The following BEX3 variants were observed in gnomAD, a reference collection of about 807,000 sequenced individuals.
The protein encoded by BEX3 is protein BEX3.
Under a neutral mutation model 6.1 loss-of-function variants are expected in BEX3, and 1 was observed. That is an observed-to-expected ratio of 0.16 (90% CI 0.06 to 0.78). BEX3 has a LOEUF of 0.78. Ranked by LOEUF, BEX3 falls within the 30% of genes least tolerant of loss-of-function variation. The probability of loss-of-function intolerance (pLI) is 0.75; values close to 1 mark genes in which losing one functional copy is unlikely to be tolerated. For missense variants in BEX3, 49 were observed against 84.7 expected (o/e 0.58, Z 1.65); for synonymous variants, 33 against 25.2 (o/e 1.31, Z -0.93).
rs1927290977 is a variant in BEX3, at chrX:103,377,995, CAG to C, written c.*169_*170del. The C allele has an allele frequency of 4.8e-6, 2 of 419,382 alleles. No homozygotes were observed. Among genetic ancestry groups the C allele is most frequent in the Non-Finnish European group, 8.2e-6 (2 of 242,825 alleles). 34.6% of individuals were successfully genotyped at this position (419,382 alleles called of 1,213,427 possible). The stretch of plus-strand genomic sequence containing the variant: ...TCTATTTGAAGATTGCCTTTGCACT[CAG>C]TGTAAGTTTCTGTCAGCAGTAGTTT... On this transcript the variant is annotated 3_prime_UTR_variant, in exon 3 of 3. Transcript: ENST00000361298.
upstream of BEX3, chrX:103,376,518 C>T (rs1927226307): frequency 1.3e-6 from 1 of 750,734 alleles, no homozygotes; most frequent in African/African-American, 2.3e-5. Flanking sequence ...CAGAGCGACG[C>T]AGCCTTCGGT....
rs1927277100 is a variant in BEX3 at position 103,377,635 on chromosome X, A to G, written c.114A>G (p.Arg38=). ...CTCGCCGACTTGCCCCTAATTTTCGATGGGCCATACCCAATAGGCAGATCA... is the reference window on the plus strand; with the variant it reads ...CTCGCCGACTTGCCCCTAATTTTCGGTGGGCCATACCCAATAGGCAGATCA... The part of the protein sequence containing the change: ...GQARRLAPNF[R]WAIPNRQIND... The change falls in exon 3 of 3, where the codon CGA becomes CGG. Residue 38 remains arginine (R), a synonymous_variant. Coordinates refer to ENST00000361298, the MANE Select transcript of BEX3 (RefSeq NM_206917.3). 3 of 1,211,599 alleles carry G rather than the reference A, an allele frequency of 2.5e-6. No homozygotes were observed. The highest frequency in any genetic ancestry group is 2.2e-5 in the Admixed American group (1 of 46,005).
rs1927295755 is a variant in BEX3 at position 103,378,158 on chromosome X, G to A, written c.*331G>A. 1 of 179,982 alleles carries A rather than the reference G, an allele frequency of 5.6e-6. No homozygotes were observed. The allele number at this position is 179,982 out of a possible 1,213,427, so 14.8% of individuals were successfully genotyped here. ...AAAATCTGAGATTAAATACACTAGAGTGTTAATTGGTGAACATTTCTGTGT... is the reference window on the plus strand; with the variant it reads ...AAAATCTGAGATTAAATACACTAGAATGTTAATTGGTGAACATTTCTGTGT... On this transcript the variant is annotated 3_prime_UTR_variant, in exon 3 of 3. Coordinates refer to ENST00000361298, the MANE Select transcript of BEX3 (RefSeq NM_206917.3).
chrX:103,377,779 G>A lies in BEX3; in HGVS notation c.258G>A (p.Glu86=). The change falls in exon 3 of 3, where the codon GAG becomes GAA. Residue 86 remains glutamate, a synonymous_variant. Coordinates refer to ENST00000361298, the MANE Select transcript of BEX3 (RefSeq NM_206917.3). Reference sequence around the variant, plus strand: ...ATTGTCTGCGTATCCTTATGGGGGAGCTCTCTAATCACCATGACCATCATG... The same window carrying A: ...ATTGTCTGCGTATCCTTATGGGGGAACTCTCTAATCACCATGACCATCATG... ...LRNCLRILMG[E]LSNHHDHHDE... The A allele has an allele frequency of 8.3e-7, 1 of 1,209,879 alleles. No homozygotes were observed. Among genetic ancestry groups the A allele is most frequent in the Non-Finnish European group, 1.1e-6 (1 of 894,545 alleles).
chrX:103,377,399 C>T, intron 2 of BEX3, 111 bp from the exon 3 acceptor site: 1 of 984,007 alleles, frequency 1.0e-6, no homozygotes. Context: ...GGCTCTGAAT[C>T]CTGCTGGTCA....
At position 103,377,554 on chromosome X, in the gene BEX3, C is replaced by T; in HGVS notation, c.33C>T (p.Asp11=). The part of the protein sequence containing the change: MEQPMQNGEE[D]RPLGGGEGHQ... The stretch of plus-strand genomic sequence containing the variant: ...AGCCTATGCAGAATGGAGAGGAAGA[C>T]CGCCCTTTGGGAGGAGGTGAAGGCC... Residue 11 remains aspartate (D), a synonymous_variant, in exon 3 of 3, where the codon GAC becomes GAT. Coordinates refer to ENST00000361298, the MANE Select transcript of BEX3 (RefSeq NM_206917.3). 8.3e-7 allele frequency: 1 copy of T among 1,211,214 alleles called. No individual in the cohort carries two copies. The highest frequency in any genetic ancestry group is 1.1e-6 in the Non-Finnish European group (1 of 895,303).
Position 103,377,816 on chromosome X carries a change from C to G in BEX3, c.295C>G (p.Leu99Val), listed in dbSNP as rs753111369. 6.7e-6 allele frequency: 8 copies of G among 1,186,742 alleles called. No individual in the cohort carries two copies. The East Asian group carries it at 2.4e-4, about 35-fold the overall frequency. ...NHHDHHDEFC[L>V]MP ...CCATGACCATCATGATGAATTTTGCCTTATGCCTTGACTCCTGCCATTTAT... is the reference window on the plus strand; with the variant it reads ...CCATGACCATCATGATGAATTTTGCGTTATGCCTTGACTCCTGCCATTTAT... Residue 99 changes from leucine (L) to valine (V), a missense_variant, in exon 3 of 3, where the codon CTT (leucine) becomes GTT (valine). Physicochemically the swap from Leu to Val is conservative, Grantham distance 32. Transcript: ENST00000361298.
chrX:103,377,429 T>C, intron 2 of BEX3, 81 bp from the exon 3 acceptor site: 1 of 1,105,085 alleles, frequency 9.0e-7, no homozygotes. Flanking sequence ...GCATTCAGTC[T>C]CTCTCCTTGC....
rs898084784 is a variant in BEX3, at chrX:103,377,942, G to A, written c.*115G>A. ...GCTGTGAACCCTATGTTATTTCCAT[G>A]TGTCAAGTGGGTCTTGTGTTGCCAG... On this transcript the variant is annotated 3_prime_UTR_variant, in exon 3 of 3. Coordinates refer to ENST00000361298, the MANE Select transcript of BEX3 (RefSeq NM_206917.3). 6 of 565,421 alleles carry A rather than the reference G, an allele frequency of 1.1e-5. No individual in the cohort carries two copies. The highest frequency in any genetic ancestry group is 9.3e-5 in the African/African-American group (4 of 43,118). The allele number at this position is 565,421 out of a possible 1,213,427, so 46.6% of individuals were successfully genotyped here. A position where few individuals can be genotyped will look rare whatever the true frequency, so the allele number is the denominator to read the frequency against.
Position 103,377,874 on chromosome X carries a change from C to G in BEX3, c.*47C>G. ...TTAATACTGTGATTCCCGCTGTTTT[C>G]TTTTTCCTTGCATTTTCCTAATATG... On this transcript the variant is annotated 3_prime_UTR_variant, in exon 3 of 3. Transcript: ENST00000361298. 9.9e-7 allele frequency: 1 copy of G among 1,008,664 alleles called. No individual in the cohort carries two copies. The highest frequency in any genetic ancestry group is 1.4e-6 in the Non-Finnish European group (1 of 733,795). The allele number at this position is 1,008,664 out of a possible 1,213,427, so 83.1% of individuals were successfully genotyped here.
chrX:103,377,485 T>A (rs763838213), intron 2 of BEX3, 25 bp from the exon 3 acceptor site: 3 of 1,181,322 alleles, frequency 2.5e-6, no homozygotes, highest in African/African-American at 3.6e-5. Flanking sequence ...AAAAAAAAAA[T>A]CTCATCATGG....
At chrX:103,377,239 A>G (rs936326089) in intron 2 of BEX3, 133 bp downstream of exon 2, 8 of 381,606 alleles carry the variant, frequency 2.1e-5, no homozygotes, top group African/African-American at 1.8e-4. Flanking sequence ...GCTCTGGGAA[A>G]GAATCCCGGG....
In BEX3 at chrX:103,377,766, T is replaced by G; in HGVS notation, c.245T>G (p.Ile82Ser). ...CTGCAGTTGAGGAATTGTCTGCGTA[T>G]CCTTATGGGGGAGCTCTCTAATCAC... Reference protein sequence around the residue: ...RELQLRNCLRILMGELSNHHD... With the variant: ...RELQLRNCLRSLMGELSNHHD... Residue 82 changes from isoleucine to serine, a missense_variant, in exon 3 of 3, where the codon ATC (isoleucine) becomes AGC (serine). Transcript: ENST00000361298. 8.3e-7 allele frequency: 1 copy of G among 1,211,424 alleles called. No individual in the cohort carries two copies. Among genetic ancestry groups the G allele is most frequent in the Non-Finnish European group, 1.1e-6 (1 of 895,287 alleles).
Position 103,377,090 on chromosome X carries a change from T to G in BEX3, c.-29T>G, listed in dbSNP as rs1367287047. On this transcript the variant is annotated 5_prime_UTR_variant, in exon 2 of 3. Coordinates refer to ENST00000361298, the MANE Select transcript of BEX3 (RefSeq NM_206917.3). ...GCGAGAATCCGGAGGAGAAGGAGAC[T>G]GCAAGGATAGGCCCAGGTCGGTGCG... 1 of 306,479 alleles carries G rather than the reference T, an allele frequency of 3.3e-6. No individual in the cohort carries two copies. The highest frequency in any genetic ancestry group is 3.0e-5 in the African/African-American group (1 of 32,975). 25.3% of individuals were successfully genotyped at this position (306,479 alleles called of 1,213,427 possible). A position where few individuals can be genotyped will look rare whatever the true frequency, so the allele number is the denominator to read the frequency against.
upstream of BEX3, chrX:103,376,354 G>A: frequency 2.1e-6 from 1 of 475,934 alleles, no homozygotes. Flanking sequence ...GTGCGCTCTG[G>A]GGCACCTCAT....
intron 2 of BEX3, 116 bp downstream of exon 2, chrX:103,377,222 C>T (rs1927258629): frequency 2.7e-6 from 1 of 364,138 alleles, no homozygotes; most frequent in Admixed American, 5.1e-5. Flanking sequence ...ATTTTGGTGC[C>T]TGCAAAGCTC....
Position 103,377,985 on chromosome X carries a change from C to T in BEX3, c.*158C>T, listed in dbSNP as rs1391009612. ...GTTGCCAGCTTCTATTTGAAGATTGCCTTTGCACTCAGTGTAAGTTTCTGT... is the reference window on the plus strand; with the variant it reads ...GTTGCCAGCTTCTATTTGAAGATTGTCTTTGCACTCAGTGTAAGTTTCTGT... On this transcript the variant is annotated 3_prime_UTR_variant, in exon 3 of 3. Coordinates refer to ENST00000361298, the MANE Select transcript of BEX3 (RefSeq NM_206917.3). 2 of 433,789 alleles carry T rather than the reference C, an allele frequency of 4.6e-6. No homozygotes were observed. Among genetic ancestry groups the T allele is most frequent in the Non-Finnish European group, 7.9e-6 (2 of 253,613 alleles). 35.7% of individuals were successfully genotyped at this position (433,789 alleles called of 1,213,427 possible). A position where few individuals can be genotyped will look rare whatever the true frequency, so the allele number is the denominator to read the frequency against.
rs1482357751 is a variant in BEX3 at position 103,378,045 on chromosome X, T to G, written c.*218T>G. 8.4e-6 allele frequency: 3 copies of G among 358,425 alleles called. No individual in the cohort carries two copies. The highest frequency in any genetic ancestry group is 1.5e-5 in the Non-Finnish European group (3 of 203,237). The allele number at this position is 358,425 out of a possible 1,213,427, so 29.5% of individuals were successfully genotyped here. A position where few individuals can be genotyped will look rare whatever the true frequency, so the allele number is the denominator to read the frequency against. ...TTTCACCCATTTGCATGGAAAAATT[T>G]AAAGCTAATAAAGCAATTTAAAAAG... On this transcript the variant is annotated 3_prime_UTR_variant, in exon 3 of 3. Coordinates refer to ENST00000361298, the MANE Select transcript of BEX3 (RefSeq NM_206917.3).
chrX:103,377,192 C>T (rs1471926824), intron 2 of BEX3, 86 bp downstream of exon 2: 2 of 273,097 alleles, frequency 7.3e-6, no homozygotes, highest in Non-Finnish European at 1.2e-5. Flanking sequence ...CCCCATCCCC[C>T]ACTCCTATAC....
Sources: allele counts gnomAD v4.1 joint callset, GRCh38; gene constraint gnomAD v4.1.1; transcripts MANE v1.5; gene names NCBI Gene and HGNC (gene_info 2026-07-23, HGNC 2026-07-21).